The following CACNG3 variants were observed in gnomAD, a reference collection of about 807,000 sequenced individuals.
The protein encoded by CACNG3 is calcium voltage-gated channel auxiliary subunit gamma 3.
CACNG3 carries 3 observed loss-of-function variants against 28.5 expected under a neutral mutation model. That is an observed-to-expected ratio of 0.11 (90% CI 0.05 to 0.27). The LOEUF is 0.27. CACNG3 is among the 10% of genes least tolerant of loss of function. The probability of loss-of-function intolerance (pLI) is 1.00; values close to 1 mark genes in which losing one functional copy is unlikely to be tolerated. For missense variants in CACNG3, 236 were observed against 414.4 expected, an observed-to-expected ratio of 0.57 and a Z score of 3.74; for synonymous variants, 174 against 162.2, an observed-to-expected ratio of 1.07 and a Z score of -0.55.
intron 1 of CACNG3, among the ~76,000 whole-genome samples, chr16:24,331,209 C>A (rs1899627244): frequency 6.6e-6 from 1 of 152,072 alleles, no homozygotes; most frequent in South Asian, 2.1e-4. Context: ...AGAATCAAAA[C>A]CCTCAATAAC....
chr16:24,285,173 C>G (rs1186775269), intron 1 of CACNG3, among the ~76,000 whole-genome samples: 1 of 152,172 alleles, frequency 6.6e-6, no homozygotes, highest in African/African-American at 2.4e-5. Flanking sequence ...CTGTGCTGGT[C>G]TTGGACGTGC....
chr16:24,317,372 T>A lies in CACNG3; in HGVS notation c.212-29362T>A, dbSNP rs149379600. Among the ~76,000 whole-genome samples the A allele has an allele frequency of 9.0e-4, 137 of 151,684 alleles. 2 individuals are homozygous for A. In the East Asian group the frequency reaches 0.021, roughly 24 times the overall value. ...GCCTGGCCAACATGGTGAAACCCCATCTCTACTAAAAAATACAAAATTAGC... is the reference window on the plus strand; with the variant it reads ...GCCTGGCCAACATGGTGAAACCCCAACTCTACTAAAAAATACAAAATTAGC... On this transcript the variant is annotated intron_variant, in intron 1 of 3. Coordinates refer to ENST00000005284, the MANE Select transcript of CACNG3 (RefSeq NM_006539.4).
At chr16:24,258,065 G>T (rs983208161) in intron 1 of CACNG3, among the ~76,000 whole-genome samples, 1 of 152,152 alleles carries the variant, frequency 6.6e-6, no homozygotes, top group South Asian at 2.1e-4. Flanking sequence ...ACAGTGGTGG[G>T]CAAGGAAATC....
intron 1 of CACNG3, among the ~76,000 whole-genome samples, chr16:24,257,372 A>T (rs147339291): frequency 2.4e-4 from 4 of 16,338 alleles, no homozygotes; most frequent in African/African-American, 1.8e-3. Context: ...GAGGGGGGAG[A>T]GAGAGAGAGA....
At chr16:24,354,590 A>G (rs1028785496) in intron 2 of CACNG3, among the ~76,000 whole-genome samples, 2 of 152,230 alleles carry the variant, frequency 1.3e-5, no homozygotes, top group Non-Finnish European at 2.9e-5. Context: ...CACTTCACTT[A>G]TAAAACACAC....
chr16:24,350,897 A>G (rs530713562), intron 2 of CACNG3, among the ~76,000 whole-genome samples: 1 of 152,304 alleles, frequency 6.6e-6, no homozygotes, highest in Non-Finnish European at 1.5e-5. Context: ...CCCATAGGTC[A>G]TATGTGTACA....
In CACNG3 at chr16:24,331,145, T is replaced by C. The variant is rs187885327; in HGVS notation, c.212-15589T>C. On this transcript the variant is annotated intron_variant, in intron 1 of 3. Coordinates refer to ENST00000005284, the MANE Select transcript of CACNG3 (RefSeq NM_006539.4). ...AGGTACTGTGTTGGTGAACATGCCC[T>C]GTGGTCTAGGCTAGGAAGGGCTGGG... is the stretch of plus-strand genomic sequence containing the variant. Among the ~76,000 whole-genome samples, 367 of 152,290 alleles carry C rather than the reference T, an allele frequency of 2.4e-3. 2 individuals carry two copies. Among genetic ancestry groups the C allele is most frequent in the Non-Finnish European group, 4.1e-3 (279 of 68,030 alleles).
intron 1 of CACNG3, among the ~76,000 whole-genome samples, chr16:24,267,755 C>T (rs1420735138): frequency 2.6e-5 from 4 of 152,094 alleles, no homozygotes; most frequent in African/African-American, 9.7e-5. Flanking sequence ...CTGCAACCTC[C>T]GCCTCCCGAG....
At chr16:24,352,533 GTTT>G (rs1567225647) in intron 2 of CACNG3, among the ~76,000 whole-genome samples, 1 of 6,578 alleles carries the variant, frequency 1.5e-4, no homozygotes, top group African/African-American at 2.4e-4. Flanking sequence ...TGTTGTTGTT[GTTT>G]GTTTGTTTGT....
intron 1 of CACNG3, among the ~76,000 whole-genome samples, chr16:24,339,071 G>C (rs1899747378): frequency 6.6e-6 from 1 of 152,010 alleles, no homozygotes; most frequent in Non-Finnish European, 1.5e-5. Context: ...GAGTTATCAG[G>C]TGAGAGAATT....
chr16:24,261,039 T>G (rs74707451), intron 1 of CACNG3, among the ~76,000 whole-genome samples: 5,656 of 152,314 alleles, frequency 0.037, 350 homozygotes, highest in African/African-American at 0.13. Context: ...GTTCATCCCA[T>G]TTCCATAACA....
At chr16:24,310,165 C>A (rs1256430623) in intron 1 of CACNG3, among the ~76,000 whole-genome samples, 2 of 149,950 alleles carry the variant, frequency 1.3e-5, no homozygotes, top group African/African-American at 5.1e-5. Context: ...GCTTTGCAGA[C>A]TGAGTTAACA....
chr16:24,327,832 C>T (rs577039896), intron 1 of CACNG3, among the ~76,000 whole-genome samples: 21 of 151,924 alleles, frequency 1.4e-4, no homozygotes, highest in African/African-American at 4.6e-4. Flanking sequence ...GTCCCAGCTA[C>T]ATGGGAGGCT....
chr16:24,347,975 C>T (rs1052333855), intron 2 of CACNG3, among the ~76,000 whole-genome samples: 1 of 152,280 alleles, frequency 6.6e-6, no homozygotes, highest in East Asian at 1.9e-4. Context: ...CATTAGCTCC[C>T]GTTTCTTGCA....
intron 1 of CACNG3, among the ~76,000 whole-genome samples, chr16:24,321,780 A>G (rs985900920): frequency 6.6e-6 from 1 of 152,238 alleles, no homozygotes; most frequent in African/African-American, 2.4e-5. Flanking sequence ...TCAAACTGCA[A>G]GAGTTATGGC....
chr16:24,283,415 A>G (rs555023931), intron 1 of CACNG3, among the ~76,000 whole-genome samples: 1 of 152,210 alleles, frequency 6.6e-6, no homozygotes, highest in African/African-American at 2.4e-5. Context: ...AAGCCTATGC[A>G]TCTATTGTGT....
rs1899220286 is a variant in CACNG3, at chr16:24,308,816, G to A, written c.212-37918G>A. On this transcript the variant is annotated intron_variant, in intron 1 of 3. Coordinates refer to ENST00000005284, the MANE Select transcript of CACNG3 (RefSeq NM_006539.4). ...GATGTCACCACTGTGTTCCAGCCTG[G>A]CTGATGGAGTGAGAACCTACCTCAA... Among the ~76,000 whole-genome samples the A allele has an allele frequency of 2.3e-5, 3 of 129,488 alleles. No homozygotes were observed. In the Admixed American group the frequency reaches 2.7e-4, roughly 11 times the overall value. 84.9% of individuals were successfully genotyped at this position (129,488 alleles called of 152,430 possible).
At chr16:24,336,299 T>G (rs1388519472) in intron 1 of CACNG3, among the ~76,000 whole-genome samples, 4 of 145,328 alleles carry the variant, frequency 2.8e-5, no homozygotes, top group African/African-American at 5.1e-5. Flanking sequence ...TGAGACGGAG[T>G]CTCGCTCTGT....
Position 24,341,949 on chromosome 16 carries a change from A to C in CACNG3, c.212-4785A>C, listed in dbSNP as rs530319476. On this transcript the variant is annotated intron_variant, in intron 1 of 3. Coordinates refer to ENST00000005284, the MANE Select transcript of CACNG3 (RefSeq NM_006539.4). ...AAGAGAAACTGCGAATCAGTTTTTA[A>C]TGTGAAATATTCAGAATTTTAAATT... Among the ~76,000 whole-genome samples, 28 of 152,322 alleles carry C rather than the reference A, an allele frequency of 1.8e-4. 1 individual carries two copies. The highest frequency in any genetic ancestry group is 1.4e-3 in the Admixed American group (22 of 15,294).
Sources: allele counts gnomAD v4.1 joint callset (sites outside exome capture counted in the v4.1 genomes callset), GRCh38; gene constraint gnomAD v4.1.1; transcripts MANE v1.5; gene names NCBI Gene and HGNC (gene_info 2026-07-23, HGNC 2026-07-21).